The following SENP6 variants were observed in gnomAD, a reference collection of about 807,000 sequenced individuals.
The protein encoded by SENP6 is sentrin-specific protease 6.
SENP6 carries 41 observed loss-of-function variants against 134.5 expected under a neutral mutation model. The observed-to-expected ratio is 0.30, with a 90% CI of 0.24 to 0.40. SENP6 has a LOEUF of 0.40. Among genes scored for constraint, SENP6 ranks in the 10% least tolerant of loss-of-function variants. The pLI is 1.00. For synonymous variants in SENP6, 395 were observed against 429.8 expected (o/e 0.92, Z 1.00); for missense variants, 1,248 against 1,312.5 (o/e 0.95, Z 0.76).
chr6:75,661,154 C>G (rs1350430493), intron 8 of SENP6, among the ~76,000 whole-genome samples: 1 of 152,194 alleles, frequency 6.6e-6, no homozygotes, highest in Non-Finnish European at 1.5e-5. Context: ...TCCATAAGTT[C>G]ACACTGATAA....
intron 17 of SENP6, among the ~76,000 whole-genome samples, chr6:75,696,978 A>G (rs1774705179): frequency 6.6e-6 from 1 of 152,302 alleles, no homozygotes; most frequent in South Asian, 2.1e-4. Context: ...CTAATGTTGC[A>G]TCTTAGAGGT....
chr6:75,675,946 G>A lies in SENP6; in HGVS notation c.1513G>A (p.Val505Met). 6.2e-7 allele frequency: 1 copy of A among 1,612,816 alleles called. No homozygotes were observed. The highest frequency in any genetic ancestry group is 8.5e-7 in the Non-Finnish European group (1 of 1,179,320). Residue 505 changes from valine (V) to methionine (M), a missense_variant, in exon 13 of 24, where the codon GTG becomes ATG. By Grantham distance (21) the Val-to-Met change is conservative (BLOSUM62 1). Around this residue, in one of 3 missense-constraint regions of SENP6, gnomAD observed 733 missense variants for 725.4 expected, o/e 1.01. Transcript: ENST00000447266. ...GTGTAATGTCCGAAAATTACCTGTA[G>A]TGTTTCTTCAAGCAATTCCAGCAGT... ...EWCNVRKLPV[V>M]FLQAIPAVYQ...
intron 1 of SENP6, among the ~76,000 whole-genome samples, chr6:75,603,783 T>C (rs1483063510): frequency 6.6e-6 from 1 of 152,150 alleles, no homozygotes; most frequent in Non-Finnish European, 1.5e-5. Context: ...AGGTAATTTT[T>C]CTTAATTCTT....
At chr6:75,625,110 TC>T (rs942873427) in intron 3 of SENP6, among the ~76,000 whole-genome samples, 15 of 108,224 alleles carry the variant, frequency 1.4e-4, no homozygotes, top group Non-Finnish European at 2.6e-4. Context: ...TGTGTGTGTG[TC>T]CTTTTTTTTT....
intron 23 of SENP6, among the ~76,000 whole-genome samples, chr6:75,714,235 C>T (rs1295063709): frequency 6.6e-6 from 1 of 152,128 alleles, no homozygotes; most frequent in Non-Finnish European, 1.5e-5. Flanking sequence ...TTATCCTTAA[C>T]CTTATGTTAA....
At position 75,660,057 on chromosome 6, in the gene SENP6, G is replaced by C. The variant is rs140275724; in HGVS notation, c.696+650G>C. ...GTCATGTGCTGCATTGAATTGCTGC[G>C]AATCTTTAGTCTCTTTCAATAGAAA... On this transcript the variant is annotated intron_variant, in intron 8 of 23. Transcript: ENST00000447266. Among the ~76,000 whole-genome samples the C allele has an allele frequency of 1.9e-4, 29 of 152,182 alleles. No homozygotes were observed. The East Asian group carries it at 5.6e-3, about 29-fold the overall frequency.
chr6:75,655,678 T>C (rs1288164909), intron 7 of SENP6, among the ~76,000 whole-genome samples: 1 of 152,238 alleles, frequency 6.6e-6, no homozygotes, highest in Admixed American at 6.5e-5. Context: ...TAACAAGTTA[T>C]TTATCGATTT....
chr6:75,685,282 A>G (rs1462354406), intron 16 of SENP6, among the ~76,000 whole-genome samples: 1 of 151,104 alleles, frequency 6.6e-6, no homozygotes, highest in African/African-American at 2.4e-5. Context: ...ATTCTTCTTT[A>G]TTAGTCTTGC....
chr6:75,712,597 C>T (rs1714491743), intron 21 of SENP6, among the ~76,000 whole-genome samples: 1 of 151,716 alleles, frequency 6.6e-6, no homozygotes, highest in Admixed American at 6.6e-5. Context: ...GGAGTTTGGG[C>T]TCTACATTAG....
chr6:75,633,741 C>T lies in SENP6; in HGVS notation c.353+15C>T. On this transcript the variant is annotated intron_variant, in intron 4 of 23. Coordinates refer to ENST00000447266, the MANE Select transcript of SENP6 (RefSeq NM_015571.4). ...AAGAAATTGAGGTATAGGCACTTCA[C>T]CACACATTCCTACAGAAAAGATAAA... 1 of 1,582,974 alleles carries T rather than the reference C, an allele frequency of 6.3e-7. No homozygotes were observed.
At chr6:75,610,146 A>G (rs1429472174) in intron 1 of SENP6, among the ~76,000 whole-genome samples, 1 of 152,152 alleles carries the variant, frequency 6.6e-6, no homozygotes, top group Non-Finnish European at 1.5e-5. Context: ...CTAGGCAAGC[A>G]TAAGTATGGA....
chr6:75,661,794 A>G (rs931473395), intron 8 of SENP6, among the ~76,000 whole-genome samples: 4 of 152,146 alleles, frequency 2.6e-5, no homozygotes, highest in Admixed American at 6.6e-5. Context: ...CATGCCTGTA[A>G]TCCCAGCACT....
At chr6:75,610,436 G>C (rs1767358130) in intron 1 of SENP6, among the ~76,000 whole-genome samples, 1 of 152,172 alleles carries the variant, frequency 6.6e-6, no homozygotes, top group African/African-American at 2.4e-5. Flanking sequence ...AACTGCAAAT[G>C]ATGGTTGCCA....
Position 75,620,082 on chromosome 6 carries a change from CAA to C in SENP6, c.53-1430_53-1429del, listed in dbSNP as rs10526946. The stretch of plus-strand genomic sequence containing the variant: ...CACTCCAGCTTGGGCTACCTTGCCT[CAA>C]AAAAAAAAAAAAAAAAAAAGAGGAA... On this transcript the variant is annotated intron_variant, in intron 1 of 23. Transcript: ENST00000447266. Among the ~76,000 whole-genome samples, 602 of 127,844 alleles carry C rather than the reference CAA, an allele frequency of 4.7e-3. 1 individual carries two copies. The highest frequency in any genetic ancestry group is 5.7e-3 in the Non-Finnish European group (345 of 60,256). The allele number at this position is 127,844 out of a possible 152,430, so 83.9% of individuals were successfully genotyped here. A position where few individuals can be genotyped will look rare whatever the true frequency, so the allele number is the denominator to read the frequency against.
intron 14 of SENP6, 62 bp downstream of exon 14, chr6:75,677,318 GTTTTA>G: frequency 8.9e-7 from 1 of 1,117,440 alleles, no homozygotes; most frequent in Non-Finnish European, 1.3e-6. Context: ...AGGGAAATAT[GTTTTA>G]TTTTAATACT....
At chr6:75,660,704 C>T (rs900768728) in intron 8 of SENP6, among the ~76,000 whole-genome samples, 2 of 152,008 alleles carry the variant, frequency 1.3e-5, no homozygotes, top group Non-Finnish European at 2.9e-5. Context: ...GCGATCTCGG[C>T]TCACTGTAGC....
intron 2 of SENP6, 57 bp downstream of exon 2, chr6:75,621,682 A>C (rs1768284437): frequency 2.0e-6 from 2 of 1,000,306 alleles, no homozygotes; most frequent in Non-Finnish European, 3.1e-6. Context: ...TCATTAGAAA[A>C]ACAATTTCTA....
intron 1 of SENP6, among the ~76,000 whole-genome samples, chr6:75,618,113 C>G (rs933038030): frequency 3.3e-5 from 5 of 152,116 alleles, no homozygotes; most frequent in African/African-American, 1.2e-4. Flanking sequence ...GTTTTTCCTC[C>G]CTTTTATGTC....
intron 19 of SENP6, among the ~76,000 whole-genome samples, chr6:75,707,153 G>T (rs1775455162): frequency 6.6e-6 from 1 of 152,082 alleles, no homozygotes; most frequent in African/African-American, 2.4e-5. Context: ...AAGGTAGATA[G>T]ATATTTATAT....
Sources: allele counts gnomAD v4.1 joint callset (sites outside exome capture counted in the v4.1 genomes callset), GRCh38; gene constraint gnomAD v4.1.1; regional missense constraint gnomAD v4.1.1; transcripts MANE v1.5; gene names NCBI Gene and HGNC (gene_info 2026-07-23, HGNC 2026-07-21).